DOCK10: variants seen among roughly 807,000 people sequenced by gnomAD.
DOCK10 encodes dedicator of cytokinesis protein 10.
In DOCK10, 145 loss-of-function variants were observed where a neutral mutation model predicts 280.1. The ratio of observed to expected loss-of-function variants is 0.52; its 90% CI spans 0.45 to 0.59. The LOEUF is 0.59. Ranked by LOEUF, DOCK10 falls within the 20% of genes least tolerant of loss-of-function variation. The pLI is 0.00. For missense variants in DOCK10, 2,368 were observed against 2,651.7 expected (o/e 0.89, Z 2.35); for synonymous variants, 915 against 942.2 (o/e 0.97, Z 0.53).
chr2:224,952,441 C>T (rs1559851325), intron 1 of DOCK10, among the ~76,000 whole-genome samples: 1 of 151,744 alleles, frequency 6.6e-6, no homozygotes, highest in Non-Finnish European at 1.5e-5. Flanking sequence ...CAGTGAAATA[C>T]AGGTGAGAAG....
intron 41 of DOCK10, among the ~76,000 whole-genome samples, chr2:224,798,435 C>T (rs1692741301): frequency 6.6e-6 from 1 of 152,018 alleles, no homozygotes; most frequent in Non-Finnish European, 1.5e-5. Context: ...GGAGAGAGGT[C>T]ACAGGTTCTT....
At chr2:224,903,068 A>T (rs1263988470) in intron 3 of DOCK10, among the ~76,000 whole-genome samples, 1 of 152,242 alleles carries the variant, frequency 6.6e-6, no homozygotes, top group Non-Finnish European at 1.5e-5. Context: ...ACTGCTCTCC[A>T]GCCTGGGCGA....
intron 1 of DOCK10, among the ~76,000 whole-genome samples, chr2:224,969,656 G>A (rs552658727): frequency 6.6e-6 from 1 of 152,278 alleles, no homozygotes; most frequent in South Asian, 2.1e-4. Flanking sequence ...CTAAAAGGAA[G>A]AAATAGATGC....
chr2:224,963,996 CTTTTTTTT>C (rs66476455), intron 1 of DOCK10, among the ~76,000 whole-genome samples: 2 of 122,788 alleles, frequency 1.6e-5, no homozygotes, highest in African/African-American at 3.0e-5. Flanking sequence ...GTCTAAAATT[CTTTTTTTT>C]TTTTTTTTTT....
intron 1 of DOCK10, among the ~76,000 whole-genome samples, chr2:224,963,565 A>C (rs1241574887): frequency 6.6e-6 from 1 of 152,230 alleles, no homozygotes; most frequent in Non-Finnish European, 1.5e-5. Flanking sequence ...AAGAATAAAA[A>C]CCATTTTGAG....
In DOCK10 at chr2:224,765,541, A is replaced by G. The variant is rs1271450815; in HGVS notation, c.*180T>C. ...CTGGCTTGATCAACACTGCTCAAAG[A>G]AAAAAAAATTATACAAAATGTGCAA... On this transcript the variant is annotated 3_prime_UTR_variant, in exon 56 of 56. Transcript: ENST00000258390. The G allele has an allele frequency of 1.5e-5, 7 of 471,316 alleles. No individual in the cohort carries two copies. In the East Asian group the frequency reaches 2.1e-4, roughly 14 times the overall value. 29.2% of individuals were successfully genotyped at this position (471,316 alleles called of 1,614,324 possible). A position where few individuals can be genotyped will look rare whatever the true frequency, so the allele number is the denominator to read the frequency against.
At chr2:224,902,726 C>G (rs1007985208) in intron 3 of DOCK10, among the ~76,000 whole-genome samples, 45 of 150,294 alleles carry the variant, frequency 3.0e-4, no homozygotes, top group African/African-American at 1.1e-3. Flanking sequence ...TGGTCTTCAA[C>G]TAGATCACAC....
At chr2:224,867,244 C>T (rs1697985716) in intron 11 of DOCK10, among the ~76,000 whole-genome samples, 1 of 152,178 alleles carries the variant, frequency 6.6e-6, no homozygotes, top group African/African-American at 2.4e-5. Flanking sequence ...GTAGGTCCTC[C>T]AACAGTGAGA....
chr2:224,981,787 G>A (rs923027271), intron 1 of DOCK10, among the ~76,000 whole-genome samples: 1 of 152,220 alleles, frequency 6.6e-6, no homozygotes, highest in African/African-American at 2.4e-5. Context: ...TGAAGTTAAA[G>A]ATCCAACTAT....
At chr2:224,942,192 C>T (rs1703130720) in intron 1 of DOCK10, among the ~76,000 whole-genome samples, 1 of 152,234 alleles carries the variant, frequency 6.6e-6, no homozygotes, top group African/African-American at 2.4e-5. Context: ...ACAGGTACCC[C>T]TCCCATTTCC....
At chr2:224,936,612 A>T (rs1256323913) in intron 1 of DOCK10, among the ~76,000 whole-genome samples, 1 of 112,572 alleles carries the variant, frequency 8.9e-6, no homozygotes, top group Non-Finnish European at 2.1e-5. Context: ...ATAAAAAGCA[A>T]AATTGTTTAT....
chr2:224,793,945 C>T lies in DOCK10; in HGVS notation c.5155-488G>A, dbSNP rs950405348. The stretch of plus-strand genomic sequence containing the variant: ...GACTAGTGTGACACAATGTAACACC[C>T]GTGCTCCCCACAAACTAGATTATAT... On this transcript the variant is annotated intron_variant, in intron 45 of 55. Coordinates refer to ENST00000258390, the MANE Select transcript of DOCK10 (RefSeq NM_014689.3). Among the ~76,000 whole-genome samples the T allele has an allele frequency of 5.3e-4, 81 of 152,220 alleles. 1 individual carries two copies. The highest frequency in any genetic ancestry group is 1.9e-3 in the African/African-American group (78 of 41,510).
At position 224,770,687 on chromosome 2, in the gene DOCK10, A is replaced by C. The variant is rs1209790969; in HGVS notation, c.6205-42T>G. 6.9e-7 allele frequency: 1 copy of C among 1,440,548 alleles called. No homozygotes were observed. Among genetic ancestry groups the C allele is most frequent in the Non-Finnish European group, 9.8e-7 (1 of 1,022,474 alleles). 89.2% of individuals were successfully genotyped at this position (1,440,548 alleles called of 1,614,324 possible). A position where few individuals can be genotyped will look rare whatever the true frequency, so the allele number is the denominator to read the frequency against. On this transcript the variant is annotated intron_variant, in intron 53 of 55. Transcript: ENST00000258390. This position sits in a 1 kb window ranked among gnomAD's most constrained non-coding sequence, Gnocchi z 4.5. ...TGGTGAAGGATGATCTACCTTCTGC[A>C]TGGAGTCTTTTCCACCGCTGGAAGA...
intron 1 of DOCK10, chr2:224,946,751 C>T: frequency 1.1e-6 from 1 of 870,806 alleles, no homozygotes; most frequent in Non-Finnish European, 1.7e-6. Context: ...CTTCACCCAG[C>T]AGCCTCTGCT....
chr2:224,855,661 C>T (rs1469530389), intron 15 of DOCK10, among the ~76,000 whole-genome samples: 1 of 152,180 alleles, frequency 6.6e-6, no homozygotes, highest in Non-Finnish European at 1.5e-5. Context: ...TCTATTAAAA[C>T]CTCTCGCCAA....
At chr2:225,012,161 A>G (rs1028746694) in intron 1 of DOCK10, among the ~76,000 whole-genome samples, 3 of 152,132 alleles carry the variant, frequency 2.0e-5, no homozygotes, top group Non-Finnish European at 4.4e-5. Context: ...ATGCTAAGGG[A>G]AACTTGAGGC....
chr2:224,800,445 T>C (rs966327843), intron 40 of DOCK10, among the ~76,000 whole-genome samples, 182 bp from the exon 41 acceptor site: 1 of 152,202 alleles, frequency 6.6e-6, no homozygotes, highest in African/African-American at 2.4e-5. Context: ...CTAGAGTCTT[T>C]AGTGTGTGTG....
intron 1 of DOCK10, among the ~76,000 whole-genome samples, chr2:225,008,193 C>G (rs56162525): frequency 0.15 from 23,500 of 152,164 alleles, 2,467 homozygotes; most frequent in Non-Finnish European, 0.21. Flanking sequence ...GAGATGAGGT[C>G]TTGCTATGTT....
chr2:224,897,167 C>T (rs116704212), intron 3 of DOCK10, among the ~76,000 whole-genome samples: 165 of 152,330 alleles, frequency 1.1e-3, no homozygotes, highest in African/African-American at 3.7e-3. Context: ...ATCATTGCTC[C>T]TGTTAGCCTG....
Sources: allele counts gnomAD v4.1 joint callset (sites outside exome capture counted in the v4.1 genomes callset), GRCh38; gene constraint gnomAD v4.1.1; non-coding constraint Gnocchi (gnomAD v3.1); transcripts MANE v1.5; gene names NCBI Gene and HGNC (gene_info 2026-07-23, HGNC 2026-07-21).